Variants in SHISA9 observed in about 807,000 individuals in gnomAD.
SHISA9 encodes the protein shisa family member 9.
SHISA9 carries 13 observed loss-of-function variants against 38.0 expected under a neutral mutation model. That is an observed-to-expected ratio of 0.34 (90% CI 0.22 to 0.54). The LOEUF is 0.54. Ranked by LOEUF, SHISA9 falls within the 20% of genes least tolerant of loss-of-function variation. SHISA9 has a pLI of 0.91. For missense variants in SHISA9, 538 were observed against 575.8 expected (o/e 0.93, Z 0.67); for synonymous variants, 275 against 242.0 (o/e 1.14, Z -1.27).
At chr16:13,286,459 G>T in the SHISA9 span, among the ~76,000 whole-genome samples, 1 of 152,068 alleles carries the variant, frequency 6.6e-6, no homozygotes, top group African/African-American at 2.4e-5. Flanking sequence ...ATTCACACCA[G>T]TGTAAAATTA....
chr16:13,013,026 C>G (rs1412787594), intron 2 of SHISA9, among the ~76,000 whole-genome samples: 1 of 152,180 alleles, frequency 6.6e-6, no homozygotes, highest in Non-Finnish European at 1.5e-5. Context: ...CTCCTGCTGC[C>G]TGTCTCTCTC....
chr16:13,017,779 T>C (rs963826098), intron 2 of SHISA9, among the ~76,000 whole-genome samples: 1 of 152,222 alleles, frequency 6.6e-6, no homozygotes, highest in African/African-American at 2.4e-5. Flanking sequence ...TATACTTCAT[T>C]GTGTGATACC....
intron 2 of SHISA9, among the ~76,000 whole-genome samples, chr16:13,102,258 C>T (rs1393284880): frequency 6.6e-6 from 1 of 152,178 alleles, no homozygotes; most frequent in Non-Finnish European, 1.5e-5. Flanking sequence ...CTACCTGTTG[C>T]ATTTCTAAAC....
chr16:13,523,007 A>C, the SHISA9 span, among the ~76,000 whole-genome samples: 1 of 152,274 alleles, frequency 6.6e-6, no homozygotes, highest in East Asian at 1.9e-4. Context: ...ACTGGGTATC[A>C]AGGGTTCTTG....
At chr16:12,916,622 T>C in intron 1 of SHISA9, 66 bp from the exon 2 acceptor site, 1 of 1,512,338 alleles carries the variant, frequency 6.6e-7, no homozygotes, top group Non-Finnish European at 8.9e-7. Context: ...ACTGCAGTAC[T>C]CGGCGCATAG....
the SHISA9 span, among the ~76,000 whole-genome samples, chr16:13,396,097 C>G: frequency 6.6e-6 from 1 of 152,166 alleles, no homozygotes; most frequent in Admixed American, 6.5e-5. Flanking sequence ...GAATTAGAAG[C>G]GTTTATAAGA....
the SHISA9 span, among the ~76,000 whole-genome samples, chr16:13,362,559 G>A: frequency 6.6e-6 from 1 of 152,240 alleles, no homozygotes; most frequent in Non-Finnish European, 1.5e-5. Flanking sequence ...GAAGCAGGGA[G>A]TGGAGAAGAG....
At chr16:13,419,678 A>C in the SHISA9 span, among the ~76,000 whole-genome samples, 1 of 152,204 alleles carries the variant, frequency 6.6e-6, no homozygotes, top group African/African-American at 2.4e-5. Context: ...CCAGATAGTA[A>C]GTACTTTTTG....
At chr16:13,507,429 G>A in the SHISA9 span, among the ~76,000 whole-genome samples, 20 of 152,194 alleles carry the variant, frequency 1.3e-4, no homozygotes, top group Non-Finnish European at 2.2e-4. Flanking sequence ...TTTAGTGGTA[G>A]AGTACCCTGG....
chr16:13,506,898 C>A, the SHISA9 span, among the ~76,000 whole-genome samples: 1 of 151,900 alleles, frequency 6.6e-6, no homozygotes, highest in African/African-American at 2.4e-5. Flanking sequence ...AAAAAATTAG[C>A]CGGGCATGGT....
At chr16:13,074,103 G>A (rs756563371) in intron 2 of SHISA9, among the ~76,000 whole-genome samples, 3 of 151,932 alleles carry the variant, frequency 2.0e-5, no homozygotes, top group Non-Finnish European at 4.4e-5. Context: ...CCGAGTAGCT[G>A]GAATTACAGG....
chr16:12,957,298 G>T (rs1024140887), intron 2 of SHISA9, among the ~76,000 whole-genome samples: 1 of 152,130 alleles, frequency 6.6e-6, no homozygotes, highest in African/African-American at 2.4e-5. Context: ...GTCTGCTTGG[G>T]CTGTGTCTTC....
intron 2 of SHISA9, among the ~76,000 whole-genome samples, chr16:13,200,615 G>T (rs1451421190): frequency 1.3e-4 from 18 of 139,796 alleles, no homozygotes; most frequent in Admixed American, 2.8e-4. Context: ...TGGGCTCCAA[G>T]GTGTGGTGAA....
At chr16:12,916,042 A>T (rs140434739) in intron 1 of SHISA9, among the ~76,000 whole-genome samples, 1 of 117,700 alleles carries the variant, frequency 8.5e-6, no homozygotes, top group East Asian at 2.5e-4. Context: ...CTAAGTTTAC[A>T]TCTAATCATG....
chr16:13,048,770 A>T (rs1298053088), intron 2 of SHISA9, among the ~76,000 whole-genome samples: 1 of 152,224 alleles, frequency 6.6e-6, no homozygotes, highest in Non-Finnish European at 1.5e-5. Context: ...GGAATCTAGA[A>T]AAGAAGTTCT....
At chr16:12,943,002 A>G (rs1737396948) in intron 2 of SHISA9, among the ~76,000 whole-genome samples, 1 of 152,012 alleles carries the variant, frequency 6.6e-6, no homozygotes, top group South Asian at 2.1e-4. Context: ...TGGTGGCAGG[A>G]TGGTCACCAG....
chr16:13,449,290 G>T, the SHISA9 span, among the ~76,000 whole-genome samples: 3 of 152,158 alleles, frequency 2.0e-5, no homozygotes, highest in South Asian at 2.1e-4. Flanking sequence ...AAATGTTCAG[G>T]CCATAAGATT....
At chr16:13,140,757 T>C (rs991278378) in intron 2 of SHISA9, among the ~76,000 whole-genome samples, 1 of 152,132 alleles carries the variant, frequency 6.6e-6, no homozygotes, top group East Asian at 1.9e-4. Context: ...AGAGTGTGAA[T>C]TCTGTAGGGA....
At chr16:12,987,017 C>G (rs2072319668) in intron 2 of SHISA9, among the ~76,000 whole-genome samples, 1 of 152,186 alleles carries the variant, frequency 6.6e-6, no homozygotes, top group African/African-American at 2.4e-5. Context: ...CAGAGGAGGA[C>G]AGGGACTGTT....
Sources: gnomAD v4.1 joint callset for allele counts (sites outside exome capture counted in the v4.1 genomes callset) on GRCh38, gnomAD v4.1.1 for gene constraint, MANE v1.5 for transcripts, NCBI Gene and HGNC (gene_info 2026-07-23, HGNC 2026-07-21) for gene names.